Variants in CTNNBL1 observed in about 807,000 individuals in gnomAD.
CTNNBL1 encodes the protein catenin beta like 1.
Under a neutral mutation model 72.7 loss-of-function variants are expected in CTNNBL1, and 31 were observed. That is an observed-to-expected ratio of 0.43 (90% CI 0.32 to 0.58). The LOEUF (loss-of-function observed/expected upper bound fraction) is 0.58. Ranked by LOEUF, CTNNBL1 falls within the 20% of genes least tolerant of loss-of-function variation. The pLI is 0.08. For missense variants in CTNNBL1, 534 were observed against 725.1 expected, an observed-to-expected ratio of 0.74 and a Z score of 3.03; for synonymous variants, 240 against 267.3, an observed-to-expected ratio of 0.90 and a Z score of 1.00.
intron 13 of CTNNBL1, among the ~76,000 whole-genome samples, chr20:37,844,997 G>C (rs1418135613): frequency 1.3e-5 from 2 of 152,182 alleles, no homozygotes; most frequent in Non-Finnish European, 1.5e-5. Flanking sequence ...TGAAGACTAA[G>C]CATAAAGTAT....
Position 37,694,156 on chromosome 20 carries a change from T to A in CTNNBL1, c.30+4T>A, listed in dbSNP as rs2072767588. 1 of 1,595,590 alleles carries A rather than the reference T, an allele frequency of 6.3e-7. No homozygotes were observed. Among genetic ancestry groups the A allele is most frequent in the Admixed American group, 1.7e-5 (1 of 57,436 alleles). On this transcript the variant is annotated splice_donor_region_variant and intron_variant, in intron 1 of 15. Coordinates refer to ENST00000361383, the MANE Select transcript of CTNNBL1 (RefSeq NM_030877.5). The stretch of plus-strand genomic sequence containing the variant: ...GGGCGAACTTCTGAGCTACCAGGTA[T>A]GAGGGGCAGGGAGGGCCGAGCGACC...
chr20:37,746,725 C>A, intron 4 of CTNNBL1, 118 bp downstream of exon 4: 1 of 1,266,636 alleles, frequency 7.9e-7, no homozygotes, highest in Non-Finnish European at 1.2e-6. Context: ...TGTTTCCATT[C>A]TAATTATCTT....
In CTNNBL1 at chr20:37,776,694, A is replaced by G. The variant is rs942979153; in HGVS notation, c.751-651A>G. ...TGTGCAGTAGATGTGTCCCCTCTGAAACTCCCAAATAGCAGAGCATGCAGC... is the reference window on the plus strand; with the variant it reads ...TGTGCAGTAGATGTGTCCCCTCTGAGACTCCCAAATAGCAGAGCATGCAGC... On this transcript the variant is annotated intron_variant, in intron 7 of 15. Transcript: ENST00000361383. Among the ~76,000 whole-genome samples the G allele has an allele frequency of 1.7e-3, 261 of 152,296 alleles. 6 individuals are homozygous for G. The highest frequency in any genetic ancestry group is 3.5e-4 in the Non-Finnish European group (24 of 68,014).
chr20:37,827,209 G>T (rs1458777154), intron 11 of CTNNBL1, among the ~76,000 whole-genome samples: 2 of 152,214 alleles, frequency 1.3e-5, no homozygotes, highest in Non-Finnish European at 2.9e-5. Flanking sequence ...TAGTATTCCA[G>T]TGTGTGGATT....
At chr20:37,794,522 T>C (rs1044829169) in intron 10 of CTNNBL1, among the ~76,000 whole-genome samples, 1 of 152,154 alleles carries the variant, frequency 6.6e-6, no homozygotes. Context: ...TGAGATAGTC[T>C]CGCTCTGTCA....
chr20:37,796,445 T>C (rs1248028676), intron 10 of CTNNBL1, among the ~76,000 whole-genome samples: 1 of 150,726 alleles, frequency 6.6e-6, no homozygotes, highest in Admixed American at 6.6e-5. Context: ...GTTTTGTTCA[T>C]CTTTTTTTTT....
At chr20:37,835,905 C>A (rs1326130076) in intron 11 of CTNNBL1, among the ~76,000 whole-genome samples, 1 of 152,150 alleles carries the variant, frequency 6.6e-6, no homozygotes, top group Non-Finnish European at 1.5e-5. Context: ...AATTTTCCCC[C>A]TGAAAATGTA....
intron 10 of CTNNBL1, among the ~76,000 whole-genome samples, chr20:37,801,833 T>C (rs1056538793): frequency 1.3e-5 from 2 of 152,244 alleles, no homozygotes; most frequent in East Asian, 3.8e-4. Flanking sequence ...TTGGGCATTG[T>C]CCTAGAGGTT....
chr20:37,709,093 C>T (rs1354714092), intron 1 of CTNNBL1, among the ~76,000 whole-genome samples: 1 of 151,864 alleles, frequency 6.6e-6, no homozygotes, highest in Non-Finnish European at 1.5e-5. Flanking sequence ...GCCGAGATCG[C>T]GCCACTGCAC....
intron 11 of CTNNBL1, among the ~76,000 whole-genome samples, chr20:37,810,696 C>T (rs1210426821): frequency 1.3e-5 from 2 of 152,064 alleles, no homozygotes; most frequent in African/African-American, 2.4e-5. Context: ...GAGTACTCTT[C>T]GAAGGATACA....
chr20:37,771,669 T>G (rs997874644), intron 7 of CTNNBL1, among the ~76,000 whole-genome samples: 51 of 152,276 alleles, frequency 3.3e-4, no homozygotes, highest in African/African-American at 1.2e-3. Context: ...CAGGAATGAC[T>G]GGCTCCTCTC....
At chr20:37,803,124 T>C (rs540692713) in intron 11 of CTNNBL1, 76 bp downstream of exon 11, 1 of 1,337,000 alleles carries the variant, frequency 7.5e-7, no homozygotes, top group South Asian at 1.3e-5. Flanking sequence ...CTTTGAAAAA[T>C]TCTGACGTGT....
chr20:37,713,532 G>A (rs2072958005), intron 1 of CTNNBL1, among the ~76,000 whole-genome samples: 1 of 152,196 alleles, frequency 6.6e-6, no homozygotes, highest in African/African-American at 2.4e-5. Flanking sequence ...TGAACTTTCT[G>A]ATTGCTGAAT....
chr20:37,796,039 T>G (rs1442817432), intron 10 of CTNNBL1, among the ~76,000 whole-genome samples: 4 of 152,188 alleles, frequency 2.6e-5, no homozygotes, highest in African/African-American at 9.7e-5. Flanking sequence ...CAGATTAGTC[T>G]ATGGCTAATA....
intron 10 of CTNNBL1, among the ~76,000 whole-genome samples, chr20:37,787,383 C>T (rs1417669453): frequency 1.6e-5 from 2 of 121,418 alleles, no homozygotes; most frequent in Middle Eastern, 7.7e-3. Context: ...CTCGCTCTGT[C>T]GCCCAGGCTG....
In CTNNBL1 at chr20:37,757,649, A is replaced by G; in HGVS notation, c.557A>G (p.Asp186Gly). The change falls in exon 5 of 16, where the codon GAT becomes GGT. Residue 186 changes from aspartate to glycine, a missense_variant. By Grantham distance (94) the Asp-to-Gly change is moderately conservative. Coordinates refer to ENST00000361383, the MANE Select transcript of CTNNBL1 (RefSeq NM_030877.5). ...GAAGAGGGAGCAGAAGTGCTCATCG[A>G]TGCTCTGGTAAGTTGCACATCCTCT... is the stretch of plus-strand genomic sequence containing the variant. ...ESEEGAEVLI[D>G]ALVDGQVVAL... 1 of 1,612,522 alleles carries G rather than the reference A, an allele frequency of 6.2e-7. No individual in the cohort carries two copies. Among genetic ancestry groups the G allele is most frequent in the Non-Finnish European group, 8.5e-7 (1 of 1,178,722 alleles).
intron 4 of CTNNBL1, chr20:37,756,410 CTCTCTCTCTCT>C (rs2073363777): frequency 6.6e-6 from 1 of 152,062 alleles, no homozygotes; most frequent in East Asian, 1.9e-4. Flanking sequence ...TTCTCTCTCT[CTCTCTCTCTCT>C]CCCCCGTTGT....
chr20:37,847,677 C>T (rs1194656797), intron 13 of CTNNBL1, among the ~76,000 whole-genome samples: 2 of 152,142 alleles, frequency 1.3e-5, no homozygotes, highest in Non-Finnish European at 2.9e-5. Flanking sequence ...TAGGTACTAG[C>T]AGGAATTTTT....
chr20:37,787,535 G>A (rs1479217153), intron 10 of CTNNBL1, among the ~76,000 whole-genome samples: 2 of 151,962 alleles, frequency 1.3e-5, no homozygotes, highest in South Asian at 2.1e-4. Context: ...TAGTAGAGAC[G>A]GGGTTTCACC....
Sources: allele counts gnomAD v4.1 joint callset (sites outside exome capture counted in the v4.1 genomes callset), GRCh38; gene constraint gnomAD v4.1.1; transcripts MANE v1.5; gene names NCBI Gene and HGNC (gene_info 2026-07-23, HGNC 2026-07-21).